ADGRV1: variants seen among roughly 807,000 people sequenced by gnomAD.
ADGRV1 encodes adhesion G protein-coupled receptor V1, also known as G-protein coupled receptor 98.
A neutral mutation model predicts 596.2 loss-of-function variants in ADGRV1; 359 were observed. The ratio of observed to expected loss-of-function variants is 0.60; its 90% CI spans 0.55 to 0.66. ADGRV1 has a LOEUF of 0.66. ADGRV1 is among the 30% of genes least tolerant of loss of function. ADGRV1 has a pLI of 0.00. For synonymous variants in ADGRV1, 2,681 were observed against 2,679.2 expected, an observed-to-expected ratio of 1.00 and a Z score of -0.02; for missense variants, 7,274 against 7,575.6, an observed-to-expected ratio of 0.96 and a Z score of 1.48.
rs765233729 is a variant in ADGRV1, at chr5:90,712,359, G to A, written c.9115G>A (p.Gly3039Arg). 2 of 1,574,050 alleles carry A rather than the reference G, an allele frequency of 1.3e-6. No individual in the cohort carries two copies. Among genetic ancestry groups the A allele is most frequent in the South Asian group, 2.3e-5 (2 of 86,500 alleles). ...GATTCTTGATGATGACATTCCAGAAGGAGATGAAAAATTTCAGCTGATTTT... is the reference window on the plus strand; with the variant it reads ...GATTCTTGATGATGACATTCCAGAAAGAGATGAAAAATTTCAGCTGATTTT... ...IMILDDDIPE[G>R]DEKFQLILTN... Residue 3039 changes from glycine (G) to arginine (R), a missense_variant, in exon 42 of 90, where the codon GGA becomes AGA. Gly to Arg is a moderately radical substitution (Grantham distance 125). Transcript: ENST00000405460.
chr5:90,743,634 G>T (rs995193296), intron 50 of ADGRV1, among the ~76,000 whole-genome samples: 1 of 152,006 alleles, frequency 6.6e-6, no homozygotes, highest in Middle Eastern at 3.4e-3. Flanking sequence ...ACCATGCCCG[G>T]CTAATTTTTT....
chr5:91,039,960 A>C (rs900515420), intron 85 of ADGRV1, among the ~76,000 whole-genome samples: 16 of 152,196 alleles, frequency 1.1e-4, no homozygotes, highest in Admixed American at 3.9e-4. Context: ...CAGCTAAAGA[A>C]AAATGAAAAC....
chr5:90,591,815 G>A (rs1759542208), intron 1 of ADGRV1, among the ~76,000 whole-genome samples: 1 of 152,172 alleles, frequency 6.6e-6, no homozygotes, highest in Admixed American at 6.5e-5. Flanking sequence ...GTTATTGAAT[G>A]GTTAACATAA....
chr5:91,108,797 A>G (rs1165305504), intron 87 of ADGRV1, among the ~76,000 whole-genome samples: 1 of 151,954 alleles, frequency 6.6e-6, no homozygotes, highest in Non-Finnish European at 1.5e-5. Flanking sequence ...AGGTTTCACT[A>G]TGTTGCCTGG....
chr5:90,685,887 C>T lies in ADGRV1; in HGVS notation c.6382C>T (p.Arg2128Ter), dbSNP rs727504561. 9 of 1,611,954 alleles carry T rather than the reference C, an allele frequency of 5.6e-6. No individual in the cohort carries two copies. The highest frequency in any genetic ancestry group is 1.7e-5 in the Admixed American group (1 of 59,882). Residue 2128 changes from arginine (R) to a stop codon, truncating the protein, a stop_gained, in exon 29 of 90, where the codon CGA becomes TGA. Transcript: ENST00000405460. LOFTEE classifies it high-confidence loss of function. ...TCTTCAGCTCTCAGCACCAATTGTC[C>T]GAGTGGCAGAAAATCATGTTGGACC... The part of the protein sequence containing the change: ...GTLQLSAPIV[R>*]VAENHVGPII...
intron 70 of ADGRV1, among the ~76,000 whole-genome samples, chr5:90,802,478 G>T (rs547339950): frequency 6.6e-6 from 1 of 152,028 alleles, no homozygotes; most frequent in Non-Finnish European, 1.5e-5. Flanking sequence ...TGATCCACCC[G>T]CCTGGGCCTC....
At chr5:91,105,564 T>G (rs1314925523) in intron 87 of ADGRV1, among the ~76,000 whole-genome samples, 1 of 152,212 alleles carries the variant, frequency 6.6e-6, no homozygotes, top group Non-Finnish European at 1.5e-5. Context: ...TGTGGTTTTG[T>G]TTTGCATTTC....
intron 83 of ADGRV1, among the ~76,000 whole-genome samples, chr5:90,903,339 T>A (rs890049432): frequency 2.6e-5 from 4 of 152,108 alleles, no homozygotes; most frequent in African/African-American, 9.6e-5. Context: ...GAGATAAATT[T>A]CTGATGTTTG....
At chr5:91,151,505 A>G (rs1436600351) in intron 88 of ADGRV1, among the ~76,000 whole-genome samples, 1 of 152,150 alleles carries the variant, frequency 6.6e-6, no homozygotes, top group Non-Finnish European at 1.5e-5. Flanking sequence ...ATCTAGTACG[A>G]TTTCTCTATC....
chr5:90,786,266 G>A (rs1759436049), intron 67 of ADGRV1, among the ~76,000 whole-genome samples: 1 of 152,034 alleles, frequency 6.6e-6, no homozygotes, highest in African/African-American at 2.4e-5. Flanking sequence ...GGGGGGCTAG[G>A]GGAGAGATAA....
At chr5:91,019,689 G>A (rs1045121013) in intron 85 of ADGRV1, among the ~76,000 whole-genome samples, 1 of 151,840 alleles carries the variant, frequency 6.6e-6, no homozygotes, top group African/African-American at 2.4e-5. Context: ...TTAAATTCCT[G>A]GGATTTCGGT....
At chr5:91,139,767 ACTCT>A (rs1049239234) in intron 87 of ADGRV1, among the ~76,000 whole-genome samples, 5 of 151,574 alleles carry the variant, frequency 3.3e-5, no homozygotes, top group African/African-American at 1.2e-4. Flanking sequence ...TGTTCTCACC[ACTCT>A]CTCTATTGTA....
chr5:91,042,590 G>A (rs1026412437), intron 85 of ADGRV1, among the ~76,000 whole-genome samples: 1 of 151,862 alleles, frequency 6.6e-6, no homozygotes, highest in African/African-American at 2.4e-5. Context: ...CAACCTGCAG[G>A]TTTGTTACAT....
At chr5:90,813,992 A>G (rs1436908882) in intron 74 of ADGRV1, among the ~76,000 whole-genome samples, 1 of 152,216 alleles carries the variant, frequency 6.6e-6, no homozygotes, top group Admixed American at 6.5e-5. Context: ...CATTAGAATC[A>G]TGCTAGTTGC....
intron 74 of ADGRV1, among the ~76,000 whole-genome samples, chr5:90,813,167 T>TAAAAAAAAAAAAA (rs1561786626): frequency 5.8e-5 from 6 of 104,332 alleles, no homozygotes; most frequent in East Asian, 3.1e-4. Context: ...AAAAAAAATT[T>TAAAAAAAAAAAAA]ATTTGGCAGT....
intron 85 of ADGRV1, among the ~76,000 whole-genome samples, chr5:91,013,744 G>A (rs2151158213): frequency 2.0e-5 from 3 of 152,138 alleles, no homozygotes; most frequent in Middle Eastern, 6.8e-3. Context: ...TGCTTTTGTT[G>A]AGATTGCTGT....
intron 89 of ADGRV1, among the ~76,000 whole-genome samples, chr5:91,160,839 A>G (rs1426999635): frequency 6.6e-6 from 1 of 152,152 alleles, no homozygotes; most frequent in Non-Finnish European, 1.5e-5. Context: ...ATATTTGTGC[A>G]TTTCTTTGAA....
intron 65 of ADGRV1, among the ~76,000 whole-genome samples, chr5:90,782,008 G>T (rs926188099): frequency 6.6e-6 from 1 of 151,970 alleles, no homozygotes; most frequent in African/African-American, 2.4e-5. Context: ...TTGCTTTCTC[G>T]AAACAGTCCC....
intron 52 of ADGRV1, among the ~76,000 whole-genome samples, chr5:90,749,503 G>A (rs926678867): frequency 6.6e-6 from 1 of 152,170 alleles, no homozygotes; most frequent in Admixed American, 6.6e-5. Flanking sequence ...CTGTAACAAT[G>A]TGTTAAAATG....
Sources: allele counts gnomAD v4.1 joint callset (sites outside exome capture counted in the v4.1 genomes callset), GRCh38; gene constraint gnomAD v4.1.1; transcripts MANE v1.5; gene names NCBI Gene and HGNC (gene_info 2026-07-23, HGNC 2026-07-21).